The following RUNX1 variants were observed in gnomAD, a reference collection of about 807,000 sequenced individuals.
The protein encoded by RUNX1 is RUNX family transcription factor 1, also known as runt-related transcription factor 1.
Under a neutral mutation model 42.8 loss-of-function variants are expected in RUNX1, and 19 were observed. The observed-to-expected ratio is 0.44, with a 90% CI of 0.31 to 0.65. The LOEUF (loss-of-function observed/expected upper bound fraction) is 0.65. RUNX1 is among the 30% of genes least tolerant of loss of function. The pLI, the probability that RUNX1 is intolerant of heterozygous loss-of-function variation, is 0.07. For missense variants in RUNX1, 528 were observed against 672.0 expected, an observed-to-expected ratio of 0.79 and a Z score of 2.37; for synonymous variants, 271 against 289.4, an observed-to-expected ratio of 0.94 and a Z score of 0.64.
At position 34,887,136 on chromosome 21, in the gene RUNX1, A is replaced by T. The variant is rs755982684; in HGVS notation, c.98-40T>A. On this transcript the variant is annotated intron_variant, in intron 3 of 8. Transcript: ENST00000675419. ...ATCACAACAAGCCGATTGAGTTAGGACCCTGCAAACAGCTCCTACCAGACG... is the reference window on the plus strand; with the variant it reads ...ATCACAACAAGCCGATTGAGTTAGGTCCCTGCAAACAGCTCCTACCAGACG... 10 of 1,596,954 alleles carry T rather than the reference A, an allele frequency of 6.3e-6. No homozygotes were observed. The Admixed American group carries it at 1.7e-4, about 27-fold the overall frequency.
chr21:34,995,327 A>C (rs1231026358), intron 2 of RUNX1, among the ~76,000 whole-genome samples: 1 of 152,186 alleles, frequency 6.6e-6, no homozygotes, highest in African/African-American at 2.4e-5. Flanking sequence ...AAAAGCGATA[A>C]AATGAGTAAT....
In RUNX1 at chr21:35,021,825, T is replaced by A. The variant is rs16992666; in HGVS notation, c.58+27017A>T. ...CAGAGGCAGAGGAGAATGCACCATA[T>A]CAGGCAGGCTGTCCCCAGAAGGCCT... On this transcript the variant is annotated intron_variant, in intron 2 of 8. Coordinates refer to ENST00000675419, the MANE Select transcript of RUNX1 (RefSeq NM_001754.5). Among the ~76,000 whole-genome samples the A allele has an allele frequency of 6.9e-3, 1,044 of 152,216 alleles. 7 individuals carry two copies. The highest frequency in any genetic ancestry group is 0.023 in the African/African-American group (952 of 41,528).
rs367854689 is a variant in RUNX1, at chr21:34,972,794, C to A, written c.58+76048G>T. ...ACAGCAGGCATCATTTGGCAGGCATCTTCTTTTATAATAATCCCATTGTCC... is the reference window on the plus strand; with the variant it reads ...ACAGCAGGCATCATTTGGCAGGCATATTCTTTTATAATAATCCCATTGTCC... On this transcript the variant is annotated intron_variant, in intron 2 of 8. Coordinates refer to ENST00000675419, the MANE Select transcript of RUNX1 (RefSeq NM_001754.5). Among the ~76,000 whole-genome samples, 101 of 152,114 alleles carry A rather than the reference C, an allele frequency of 6.6e-4. 1 individual carries two copies. In the South Asian group the frequency reaches 0.02, roughly 30 times the overall value.
At chr21:34,802,422 T>C (rs1277625973) in intron 7 of RUNX1, among the ~76,000 whole-genome samples, 2 of 152,254 alleles carry the variant, frequency 1.3e-5, no homozygotes, top group African/African-American at 4.8e-5. Flanking sequence ...GATCTTGTGA[T>C]GCTTGGAAAG....
chr21:34,995,137 C>T (rs9636888), intron 2 of RUNX1, among the ~76,000 whole-genome samples: 89,635 of 152,026 alleles, frequency 0.59, 26,740 homozygotes, highest in Non-Finnish European at 0.63. Context: ...GGGTGGGGAC[C>T]GGCTCCTGAG....
chr21:35,022,008 C>A (rs1322062147), intron 2 of RUNX1, among the ~76,000 whole-genome samples: 3 of 152,150 alleles, frequency 2.0e-5, no homozygotes, highest in Non-Finnish European at 2.9e-5. Flanking sequence ...AGAATGATCC[C>A]CAAGACACAT....
intron 2 of RUNX1, among the ~76,000 whole-genome samples, chr21:34,975,482 G>C (rs1423196879): frequency 6.6e-6 from 1 of 152,152 alleles, no homozygotes; most frequent in African/African-American, 2.4e-5. Flanking sequence ...GTATACAGGA[G>C]GATGTGCACA....
At chr21:34,864,326 C>A (rs895846046) in intron 5 of RUNX1, among the ~76,000 whole-genome samples, 1 of 152,230 alleles carries the variant, frequency 6.6e-6, no homozygotes, top group African/African-American at 2.4e-5. Flanking sequence ...TTTCTCCCAG[C>A]GAGCTGCAGC....
At chr21:34,887,705 T>C in intron 3 of RUNX1, 2 of 1,061,690 alleles carry the variant, frequency 1.9e-6, no homozygotes, top group Non-Finnish European at 2.3e-6. Flanking sequence ...TATATATAAA[T>C]ATATACATAT....
chr21:34,834,474 G>A lies in RUNX1; in HGVS notation c.741C>T (p.Pro247=), dbSNP rs1060504668. The A allele has an allele frequency of 6.2e-7, 1 of 1,612,542 alleles. No individual in the cohort carries two copies. Among genetic ancestry groups the A allele is most frequent in the Non-Finnish European group, 8.5e-7 (1 of 1,178,994 alleles). The change falls in exon 7 of 9, where the codon CCC becomes CCT. Residue 247 remains proline, a synonymous_variant. Transcript: ENST00000675419. ...RVSPHHPAPT[P]NPRASLNHST... is the part of the protein sequence containing the mutation. Reference sequence around the variant, plus strand: ...AGTGGTTCAGGGAGGCACGAGGGTTGGGCGTGGGGGCTGGGTGGTGTGGGC... The same window carrying A: ...AGTGGTTCAGGGAGGCACGAGGGTTAGGCGTGGGGGCTGGGTGGTGTGGGC...
At chr21:34,823,341 T>TA (rs1474164896) in intron 7 of RUNX1, among the ~76,000 whole-genome samples, 2 of 151,820 alleles carry the variant, frequency 1.3e-5, no homozygotes, top group African/African-American at 4.9e-5. Flanking sequence ...GATGTTGACT[T>TA]ACGGAGGCTA....
intron 2 of RUNX1, among the ~76,000 whole-genome samples, chr21:34,978,979 C>CA (rs1024924107): frequency 1.3e-5 from 2 of 151,572 alleles, no homozygotes; most frequent in African/African-American, 2.4e-5. Flanking sequence ...CACACACACA[C>CA]AGCATCTTTG....
intron 2 of RUNX1, among the ~76,000 whole-genome samples, chr21:35,046,115 C>T (rs781101170): frequency 6.6e-6 from 1 of 152,194 alleles, no homozygotes; most frequent in African/African-American, 2.4e-5. Flanking sequence ...CGTTGCACAC[C>T]GTGTGTGATA....
chr21:34,974,961 T>C (rs1042445029), intron 2 of RUNX1, among the ~76,000 whole-genome samples: 5 of 152,230 alleles, frequency 3.3e-5, no homozygotes, highest in African/African-American at 9.6e-5. Context: ...CCGTATTTTA[T>C]AGATGTGGAA....
intron 2 of RUNX1, among the ~76,000 whole-genome samples, chr21:34,975,003 A>G (rs1331223895): frequency 3.3e-5 from 5 of 152,090 alleles, no homozygotes; most frequent in African/African-American, 7.3e-5. Context: ...TAAATTGCCC[A>G]TATGCTAAAA....
At chr21:34,855,996 GAA>G (rs1158162981) in intron 6 of RUNX1, among the ~76,000 whole-genome samples, 2 of 152,158 alleles carry the variant, frequency 1.3e-5, no homozygotes, top group African/African-American at 4.8e-5. Context: ...TGGAATATGA[GAA>G]AAACAAGTTT....
At chr21:35,037,241 C>T (rs1472955465) in intron 2 of RUNX1, among the ~76,000 whole-genome samples, 4 of 152,172 alleles carry the variant, frequency 2.6e-5, no homozygotes, top group Non-Finnish European at 5.9e-5. Flanking sequence ...CTCCCCACCC[C>T]AGCATGTCAC....
At position 34,928,952 on chromosome 21, in the gene RUNX1, G is replaced by T. The variant is rs538542020; in HGVS notation, c.59-35989C>A. ...AGAGTATTGCAAGCTTATTTCTACA[G>T]ATTTTTTTTGGGGGGGGGGGTAGAT... On this transcript the variant is annotated intron_variant, in intron 2 of 8. Coordinates refer to ENST00000675419, the MANE Select transcript of RUNX1 (RefSeq NM_001754.5). Among the ~76,000 whole-genome samples, 16 of 74,090 alleles carry T rather than the reference G, an allele frequency of 2.2e-4. No homozygotes were observed. In the East Asian group the frequency reaches 0.012, roughly 54 times the overall value. 48.6% of individuals were successfully genotyped at this position (74,090 alleles called of 152,430 possible).
rs752616540 is a variant in RUNX1, at chr21:34,792,485, C to G, written c.1093G>C (p.Gly365Arg). Residue 365 changes from glycine (G) to arginine (R), a missense_variant, in exon 9 of 9, where the codon GGC (glycine) becomes CGC (arginine). Coordinates refer to ENST00000675419, the MANE Select transcript of RUNX1 (RefSeq NM_001754.5). This position sits in a 1 kb window ranked among gnomAD's most constrained non-coding sequence, Gnocchi z 6.9. ...GAGCCCATGGCCGACATGCCGATGC[C>G]GATGCCCGAGGTGACCGGCGTCGGG... ...YSPTPVTSGI[G>R]IGMSAMGSAT... 3.1e-6 allele frequency: 5 copies of G among 1,591,278 alleles called. No individual in the cohort carries two copies. Among genetic ancestry groups the G allele is most frequent in the African/African-American group, 1.3e-5 (1 of 74,528 alleles).
Sources: gnomAD v4.1 joint callset for allele counts (sites outside exome capture counted in the v4.1 genomes callset) on GRCh38, gnomAD v4.1.1 for gene constraint, Gnocchi (gnomAD v3.1) non-coding constraint, MANE v1.5 for transcripts, NCBI Gene and HGNC (gene_info 2026-07-23, HGNC 2026-07-21) for gene names.